FRMD4A: variants seen among roughly 807,000 people sequenced by gnomAD.
FRMD4A encodes FERM domain-containing protein 4A.
A neutral mutation model predicts 129.1 loss-of-function variants in FRMD4A; 29 were observed. The ratio of observed to expected loss-of-function variants is 0.22; its 90% CI spans 0.17 to 0.31. FRMD4A has a LOEUF of 0.31. Among genes scored for constraint, FRMD4A ranks in the 10% least tolerant of loss-of-function variants. The pLI is 1.00. For missense variants in FRMD4A, 1,272 were observed against 1,375.8 expected, an observed-to-expected ratio of 0.92 and a Z score of 1.19; for synonymous variants, 634 against 571.6, an observed-to-expected ratio of 1.11 and a Z score of -1.56.
At chr10:13,960,419 A>G (rs1323818724) in intron 2 of FRMD4A, among the ~76,000 whole-genome samples, 3 of 152,248 alleles carry the variant, frequency 2.0e-5, no homozygotes, top group Non-Finnish European at 2.9e-5. Context: ...TTTTGTAGCC[A>G]GGGAGTAAAT....
chr10:13,845,891 C>T (rs535340727), intron 3 of FRMD4A, among the ~76,000 whole-genome samples: 4 of 152,198 alleles, frequency 2.6e-5, no homozygotes, highest in Non-Finnish European at 4.4e-5. Flanking sequence ...CCAACCCAAC[C>T]GGCCCCAGAG....
At chr10:13,686,725 C>A (rs1005402213) in intron 15 of FRMD4A, among the ~76,000 whole-genome samples, 2 of 152,192 alleles carry the variant, frequency 1.3e-5, no homozygotes, top group Non-Finnish European at 2.9e-5. Flanking sequence ...AATCACACAG[C>A]CAAATTCCTA....
At chr10:14,008,511 A>G in intron 2 of FRMD4A, 4 of 989,982 alleles carry the variant, frequency 4.0e-6, no homozygotes, top group Non-Finnish European at 4.8e-6. Context: ...AGAAATGTCA[A>G]CTTTGCTTCT....
At position 13,654,438 on chromosome 10, in the gene FRMD4A, G is replaced by A; in HGVS notation, c.3028C>T (p.His1010Tyr). 1 of 1,611,680 alleles carries A rather than the reference G, an allele frequency of 6.2e-7. No individual in the cohort carries two copies. Among genetic ancestry groups the A allele is most frequent in the Non-Finnish European group, 8.5e-7 (1 of 1,177,708 alleles). The change falls in exon 23 of 25, where the codon CAC becomes TAC. Residue 1010 changes from histidine to tyrosine, a missense_variant. By Grantham distance (83) the His-to-Tyr change is moderately conservative (BLOSUM62 2). Transcript: ENST00000357447. The part of the protein sequence containing the change: ...IGATPPSSPH[H>Y]ILTWQTGEAT... ...CACCCAGTCTGCCAGGTTAGGATGT[G>A]GTGGGGGCTGCTTGGGGGGGTGGCT...
At chr10:14,184,980 T>C (rs1454135186) in intron 2 of FRMD4A, among the ~76,000 whole-genome samples, 1 of 150,844 alleles carries the variant, frequency 6.6e-6, no homozygotes, top group Non-Finnish European at 1.5e-5. Context: ...AGTTACACAA[T>C]CAGAGAGCGC....
At chr10:14,310,176 C>A (rs1846496321) in intron 2 of FRMD4A, among the ~76,000 whole-genome samples, 1 of 94 alleles carries the variant, frequency 0.011, no homozygotes, top group African/African-American at 0.071. Flanking sequence ...TTTGCTCAGC[C>A]CTTCCCTTGA....
intron 2 of FRMD4A, among the ~76,000 whole-genome samples, chr10:14,048,032 ATT>A (rs1381476250): frequency 4.6e-5 from 7 of 152,174 alleles, no homozygotes; most frequent in African/African-American, 1.7e-4. Flanking sequence ...AATAGATATC[ATT>A]GTCTGTTTTG....
At position 14,005,275 on chromosome 10, in the gene FRMD4A, G is replaced by T. The variant is rs148200934; in HGVS notation, c.46-146363C>A. On this transcript the variant is annotated intron_variant, in intron 2 of 24. Transcript: ENST00000357447. ...CTGACCTCGTGATCCGACCAGCTCG[G>T]TCTCCCAAAGTGCTGGGATTACAGG... 1.3e-3 allele frequency among the ~76,000 whole-genome samples: 191 copies of T among 152,218 alleles called. 2 individuals carry two copies. Among genetic ancestry groups the T allele is most frequent in the African/African-American group, 4.4e-3 (184 of 41,518 alleles).
At chr10:13,737,992 G>A in intron 11 of FRMD4A, 62 bp from the exon 12 acceptor site, 1 of 929,320 alleles carries the variant, frequency 1.1e-6, no homozygotes, top group South Asian at 1.3e-5. Context: ...CACGCAAAGT[G>A]GAGATTTCCT....
At chr10:14,178,503 T>C (rs530766559) in intron 2 of FRMD4A, among the ~76,000 whole-genome samples, 1 of 152,360 alleles carries the variant, frequency 6.6e-6, no homozygotes, top group South Asian at 2.1e-4. Flanking sequence ...TACTGATGAC[T>C]GCACCTTTTA....
At chr10:13,997,042 C>A (rs2095625138) in intron 2 of FRMD4A, among the ~76,000 whole-genome samples, 1 of 150,564 alleles carries the variant, frequency 6.6e-6, no homozygotes, top group Non-Finnish European at 1.5e-5. Context: ...CAGGTTTTCC[C>A]TCTGCTAGAT....
At position 13,860,612 on chromosome 10, in the gene FRMD4A, A is replaced by G. The variant is rs531281051; in HGVS notation, c.46-1700T>C. Reference sequence around the variant, plus strand: ...CTAACCGGCCGCTTTAAGCAGATCTAAAGAAAGGATGCGCATCAGTAGATC... The same window carrying G: ...CTAACCGGCCGCTTTAAGCAGATCTGAAGAAAGGATGCGCATCAGTAGATC... On this transcript the variant is annotated intron_variant, in intron 2 of 24. Coordinates refer to ENST00000357447, the MANE Select transcript of FRMD4A (RefSeq NM_018027.5). Among the ~76,000 whole-genome samples, 442 of 152,234 alleles carry G rather than the reference A, an allele frequency of 2.9e-3. 4 individuals are homozygous for G. The highest frequency in any genetic ancestry group is 3.1e-3 in the Non-Finnish European group (213 of 68,010).
intron 12 of FRMD4A, among the ~76,000 whole-genome samples, chr10:13,735,736 C>T (rs548339111): frequency 3.9e-5 from 6 of 152,350 alleles, no homozygotes; most frequent in South Asian, 2.1e-4. Flanking sequence ...TTATGCATGT[C>T]GGCCTTGGTC....
chr10:13,943,839 G>C (rs939300091), intron 2 of FRMD4A, among the ~76,000 whole-genome samples: 1 of 152,060 alleles, frequency 6.6e-6, no homozygotes, highest in Non-Finnish European at 1.5e-5. Context: ...AAATAGGTTG[G>C]TGTGGATCGG....
At chr10:14,318,703 T>C (rs958600025) in intron 2 of FRMD4A, among the ~76,000 whole-genome samples, 1 of 151,596 alleles carries the variant, frequency 6.6e-6, no homozygotes, top group African/African-American at 2.4e-5. Flanking sequence ...TAAAGTCCCA[T>C]AGACAGTTTG....
At chr10:13,830,810 G>C (rs2093778092) in intron 3 of FRMD4A, among the ~76,000 whole-genome samples, 1 of 151,040 alleles carries the variant, frequency 6.6e-6, no homozygotes, top group South Asian at 2.1e-4. Context: ...TATTATTAGA[G>C]ACAGAGTCTC....
chr10:14,309,999 T>C lies in FRMD4A; in HGVS notation c.45+20059A>G, dbSNP rs528417921. Among the ~76,000 whole-genome samples the C allele has an allele frequency of 1.6e-4, 24 of 151,720 alleles. No homozygotes were observed. The East Asian group carries it at 4.1e-3, about 26-fold the overall frequency. On this transcript the variant is annotated intron_variant, in intron 2 of 24. Transcript: ENST00000357447. ...CTGGCCGTTCTTCCAGCACCTGTGA[T>C]GTCCTTCGCCCTCGTGCATCTCAGT... is the stretch of plus-strand genomic sequence containing the variant.
At chr10:14,019,950 T>C (rs1016714970) in intron 2 of FRMD4A, among the ~76,000 whole-genome samples, 2 of 152,204 alleles carry the variant, frequency 1.3e-5, no homozygotes, top group Non-Finnish European at 2.9e-5. Flanking sequence ...GGACCTGCTG[T>C]TGGAATGGCT....
At chr10:13,835,884 G>T (rs920554512) in intron 3 of FRMD4A, among the ~76,000 whole-genome samples, 1 of 152,114 alleles carries the variant, frequency 6.6e-6, no homozygotes, top group African/African-American at 2.4e-5. Flanking sequence ...CCTTCAAACA[G>T]GTCCCTGGTG....
Sources: allele counts gnomAD v4.1 joint callset (sites outside exome capture counted in the v4.1 genomes callset), GRCh38; gene constraint gnomAD v4.1.1; transcripts MANE v1.5; gene names NCBI Gene and HGNC (gene_info 2026-07-23, HGNC 2026-07-21).